Variants in KSR2 observed in about 807,000 individuals in gnomAD.
KSR2 encodes the protein kinase suppressor of ras 2.
A neutral mutation model predicts 107.8 loss-of-function variants in KSR2; 25 were observed. That is an observed-to-expected ratio of 0.23 (90% CI 0.17 to 0.32). The LOEUF (loss-of-function observed/expected upper bound fraction) is 0.32. Ranked by LOEUF, KSR2 falls within the 10% of genes least tolerant of loss-of-function variation. The probability of loss-of-function intolerance (pLI) is 1.00; values close to 1 mark genes in which losing one functional copy is unlikely to be tolerated. For missense variants in KSR2, 887 were observed against 1,268.9 expected (o/e 0.70, Z 4.57); for synonymous variants, 480 against 507.0 (o/e 0.95, Z 0.71).
intron 13 of KSR2, 40 bp from the exon 14 acceptor site, chr12:117,525,259 C>T: frequency 3.9e-6 from 6 of 1,529,518 alleles, no homozygotes; most frequent in Non-Finnish European, 4.4e-6. Context: ...TTGTGTCTGC[C>T]ACTGCCCCAG....
intron 1 of KSR2, among the ~76,000 whole-genome samples, chr12:117,861,470 G>A (rs2137249435): frequency 7.5e-6 from 1 of 133,278 alleles, no homozygotes; most frequent in African/African-American, 2.9e-5. Flanking sequence ...CTCACTGCAA[G>A]CTCCGCCTCC....
intron 1 of KSR2, among the ~76,000 whole-genome samples, chr12:117,958,378 A>G (rs1288448506): frequency 6.6e-6 from 1 of 152,200 alleles, no homozygotes; most frequent in Non-Finnish European, 1.5e-5. Context: ...AAACCCATGG[A>G]AAGTCCTAAA....
intron 5 of KSR2, among the ~76,000 whole-genome samples, chr12:117,597,285 T>C (rs11068565): frequency 0.15 from 22,719 of 152,246 alleles, 1,876 homozygotes; most frequent in Non-Finnish European, 0.18. Context: ...GTGACTGTTA[T>C]TAGGTTTGTG....
At chr12:117,470,816 G>T (rs929804744) in intron 18 of KSR2, among the ~76,000 whole-genome samples, 3 of 152,198 alleles carry the variant, frequency 2.0e-5, no homozygotes, top group Admixed American at 6.5e-5. Flanking sequence ...TTCTGAGTTA[G>T]ATAATGCCTT....
intron 4 of KSR2, among the ~76,000 whole-genome samples, chr12:117,680,549 T>C (rs1474935093): frequency 6.6e-6 from 1 of 152,208 alleles, no homozygotes; most frequent in African/African-American, 2.4e-5. Context: ...ATCTCATCTC[T>C]CTCTCCTCTC....
intron 4 of KSR2, among the ~76,000 whole-genome samples, chr12:117,711,349 G>A (rs1886770719): frequency 6.6e-6 from 1 of 152,240 alleles, no homozygotes; most frequent in South Asian, 2.1e-4. Context: ...GGGATGGGGA[G>A]AGAGAAGACA....
At position 117,667,723 on chromosome 12, in the gene KSR2, G is replaced by C. The variant is rs1389870906; in HGVS notation, c.987-65C>G. 7 of 1,371,008 alleles carry C rather than the reference G, an allele frequency of 5.1e-6. No homozygotes were observed. In the East Asian group the frequency reaches 1.7e-4, roughly 34 times the overall value. 84.9% of individuals were successfully genotyped at this position (1,371,008 alleles called of 1,614,324 possible). A position where few individuals can be genotyped will look rare whatever the true frequency, so the allele number is the denominator to read the frequency against. ...CATAGGTGCACAAAGTTACAGCAGG[G>C]AGGCCCAGCCTTGTGTTTCCCATGA... On this transcript the variant is annotated intron_variant, in intron 4 of 19. Coordinates refer to ENST00000339824, the MANE Select transcript of KSR2 (RefSeq NM_173598.6).
chr12:117,820,496 G>T (rs1891527948), intron 3 of KSR2, among the ~76,000 whole-genome samples: 1 of 152,176 alleles, frequency 6.6e-6, no homozygotes, highest in South Asian at 2.1e-4. Context: ...ATACATTTAA[G>T]CCTAATCGGA....
chr12:117,724,794 G>C (rs1887351396), intron 4 of KSR2, among the ~76,000 whole-genome samples: 2 of 143,296 alleles, frequency 1.4e-5, no homozygotes, highest in South Asian at 5.0e-4. Context: ...GTCCTGGCTT[G>C]ATGAGTCACT....
At chr12:117,520,883 A>T (rs1874714995) in intron 14 of KSR2, among the ~76,000 whole-genome samples, 2 of 151,976 alleles carry the variant, frequency 1.3e-5, no homozygotes, top group East Asian at 3.9e-4. Context: ...GGTTGTCACA[A>T]CTTGACGCTT....
intron 3 of KSR2, among the ~76,000 whole-genome samples, chr12:117,847,359 C>T (rs921618912): frequency 6.6e-6 from 1 of 152,204 alleles, no homozygotes; most frequent in African/African-American, 2.4e-5. Flanking sequence ...ATTTCGGGGG[C>T]CACTCTGCAT....
chr12:117,619,246 A>AC (rs1318633086), intron 5 of KSR2, among the ~76,000 whole-genome samples: 1 of 151,852 alleles, frequency 6.6e-6, no homozygotes, highest in Non-Finnish European at 1.5e-5. Flanking sequence ...GTTTTAGGGT[A>AC]CATGTGCACA....
At chr12:117,927,445 A>G (rs1895560429) in intron 1 of KSR2, among the ~76,000 whole-genome samples, 1 of 151,350 alleles carries the variant, frequency 6.6e-6, no homozygotes, top group South Asian at 2.1e-4. Context: ...TAATCCCAGC[A>G]TTTTGGGAGG....
intron 3 of KSR2, among the ~76,000 whole-genome samples, chr12:117,830,281 A>T (rs1057458345): frequency 1.3e-5 from 2 of 152,100 alleles, no homozygotes; most frequent in Non-Finnish European, 2.9e-5. Context: ...AAATAAAAAA[A>T]AAAAAGTAGG....
chr12:117,672,628 A>G (rs771588764), intron 4 of KSR2, among the ~76,000 whole-genome samples: 2 of 151,878 alleles, frequency 1.3e-5, no homozygotes, highest in Non-Finnish European at 2.9e-5. Flanking sequence ...ATATCCAACA[A>G]ACTTTTTTTT....
intron 15 of KSR2, among the ~76,000 whole-genome samples, chr12:117,485,174 G>A (rs1872394231): frequency 6.6e-6 from 1 of 152,140 alleles, no homozygotes; most frequent in Admixed American, 6.5e-5. Context: ...AGAAAACACA[G>A]AATGTTCTTG....
At position 117,667,656 on chromosome 12, in the gene KSR2, G is replaced by C. The variant is rs767747340; in HGVS notation, c.989C>G (p.Ala330Gly). ...GTTCAAGGGTTTGCTCTTCTTCTTGGCTCTGAAAGGGAGACAGAAAAAGAG... is the reference window on the plus strand; with the variant it reads ...GTTCAAGGGTTTGCTCTTCTTCTTGCCTCTGAAAGGGAGACAGAAAAAGAG... Reference protein sequence around the residue: ...HRVDEAHTPKAKKKSKPLNLK... With the variant: ...HRVDEAHTPKGKKKSKPLNLK... The change falls in exon 5 of 20, where the codon GCC becomes GGC. Residue 330 changes from alanine to glycine, a missense_variant and splice_region_variant. Transcript: ENST00000339824. 2 of 1,571,470 alleles carry C rather than the reference G, an allele frequency of 1.3e-6. No individual in the cohort carries two copies. Among genetic ancestry groups the C allele is most frequent in the African/African-American group, 1.4e-5 (1 of 73,156 alleles).
In KSR2 at chr12:117,777,088, T is replaced by TTATATATATATATATATATATA. The variant is rs1288633301; in HGVS notation, c.473-15565_473-15564insTATATATATATATATATATATA. 1.5e-3 allele frequency among the ~76,000 whole-genome samples: 193 copies of TTATATATATATATATATATATA among 132,474 alleles called. 2 individuals carry two copies. The highest frequency in any genetic ancestry group is 5.0e-3 in the African/African-American group (162 of 32,148). 86.9% of individuals were successfully genotyped at this position (132,474 alleles called of 152,430 possible). A position where few individuals can be genotyped will look rare whatever the true frequency, so the allele number is the denominator to read the frequency against. On this transcript the variant is annotated intron_variant, in intron 3 of 19. Transcript: ENST00000339824. ...AGACACTGTATTTAATATATATATT[T>TTATATATATATATATATATATA]TATATATATATATATATATACACAC... is the stretch of plus-strand genomic sequence containing the variant.
intron 4 of KSR2, among the ~76,000 whole-genome samples, chr12:117,749,785 C>T (rs1229665841): frequency 1.3e-5 from 2 of 152,154 alleles, no homozygotes; most frequent in African/African-American, 2.4e-5. Flanking sequence ...TCTCTCATCA[C>T]AGGCCTGAAA....
Sources: allele counts gnomAD v4.1 joint callset (sites outside exome capture counted in the v4.1 genomes callset), GRCh38; gene constraint gnomAD v4.1.1; transcripts MANE v1.5; gene names NCBI Gene and HGNC (gene_info 2026-07-23, HGNC 2026-07-21).